Variants in ZNF280D observed in about 807,000 individuals in gnomAD.
ZNF280D encodes zinc finger protein 280D.
In ZNF280D, 39 loss-of-function variants were observed where a neutral mutation model predicts 94.7. The ratio of observed to expected loss-of-function variants is 0.41; its 90% CI spans 0.32 to 0.54. The LOEUF (loss-of-function observed/expected upper bound fraction) is 0.54, where lower values mean the gene tolerates loss of function less well. ZNF280D is among the 20% of genes least tolerant of loss of function. The pLI is 0.22. For missense variants in ZNF280D, 1,090 were observed against 1,149.3 expected (o/e 0.95, Z 0.75); for synonymous variants, 398 against 377.6 (o/e 1.05, Z -0.63).
chr15:56,699,476 C>T lies in ZNF280D; in HGVS notation c.381+1457G>A, dbSNP rs1295798050. On this transcript the variant is annotated intron_variant, in intron 6 of 21. Coordinates refer to ENST00000267807, the MANE Select transcript of ZNF280D (RefSeq NM_017661.4). ...TTTAGATATTAATCTATACCCAGTT[C>T]AAACTGTGGAAACTGAACTAACATG... 4.6e-6 allele frequency: 4 copies of T among 864,262 alleles called. No homozygotes were observed. The African/African-American group carries it at 7.3e-5, about 16-fold the overall frequency. 53.5% of individuals were successfully genotyped at this position (864,262 alleles called of 1,614,324 possible).
chr15:56,658,367 A>G, intron 17 of ZNF280D, 57 bp downstream of exon 17: 1 of 1,354,610 alleles, frequency 7.4e-7, no homozygotes, highest in South Asian at 1.3e-5. Flanking sequence ...GTGTTAAAAA[A>G]AATTTAAGTC....
intron 19 of ZNF280D, among the ~76,000 whole-genome samples, chr15:56,651,773 GTTAT>G (rs1218511141): frequency 6.6e-6 from 1 of 151,858 alleles, no homozygotes; most frequent in Non-Finnish European, 1.5e-5. Flanking sequence ...TTGTTATATT[GTTAT>G]TTGTTATTGT....
intron 20 of ZNF280D, 37 bp downstream of exon 20, chr15:56,642,915 T>C: frequency 7.0e-7 from 1 of 1,419,494 alleles, no homozygotes. Context: ...CTTTCAAATG[T>C]ATAAACCTTT....
chr15:56,663,451 C>T (rs1174427886), intron 16 of ZNF280D, among the ~76,000 whole-genome samples: 1 of 152,072 alleles, frequency 6.6e-6, no homozygotes, highest in Non-Finnish European at 1.5e-5. Flanking sequence ...TAAAGGTTCT[C>T]ATGCTTTGGA....
chr15:56,713,537 T>A (rs2057885056), intron 1 of ZNF280D, among the ~76,000 whole-genome samples: 1 of 152,206 alleles, frequency 6.6e-6, no homozygotes, highest in East Asian at 1.9e-4. Context: ...AGCAATTCTT[T>A]AGTCTTTATG....
At chr15:56,716,797 T>C (rs2058072958) in intron 1 of ZNF280D, among the ~76,000 whole-genome samples, 1 of 152,138 alleles carries the variant, frequency 6.6e-6, no homozygotes, top group African/African-American at 2.4e-5. Context: ...CTTTCAACTA[T>C]AAGTAACAAA....
chr15:56,652,662 A>G (rs1451974779), intron 19 of ZNF280D: 1 of 985,274 alleles, frequency 1.0e-6, no homozygotes, highest in Non-Finnish European at 1.2e-6. Context: ...AAGGAGCTAC[A>G]TTAATGGCTA....
intron 19 of ZNF280D, among the ~76,000 whole-genome samples, chr15:56,644,847 A>G (rs1468030161): frequency 6.6e-6 from 1 of 152,206 alleles, no homozygotes; most frequent in African/African-American, 2.4e-5. Flanking sequence ...CTGGTAGGTG[A>G]GAACAAAGTA....
chr15:56,641,103 T>C (rs896740509), intron 20 of ZNF280D, among the ~76,000 whole-genome samples: 1 of 152,218 alleles, frequency 6.6e-6, no homozygotes, highest in South Asian at 2.1e-4. Flanking sequence ...CTCATAATTA[T>C]CAATACTCTT....
At position 56,669,747 on chromosome 15, in the gene ZNF280D, A is replaced by C. The variant is rs865932493; in HGVS notation, c.1411-790T>G. The stretch of plus-strand genomic sequence containing the variant: ...ATTCTACAGATGGGAAATGGGACCC[A>C]AAAAAATGCTAAGGCACTTCCCCAT... On this transcript the variant is annotated intron_variant, in intron 13 of 21. Transcript: ENST00000267807. 3.5e-4 allele frequency among the ~76,000 whole-genome samples: 49 copies of C among 138,480 alleles called. 1 individual carries two copies. The highest frequency in any genetic ancestry group is 3.5e-3 in the Middle Eastern group (1 of 284). The allele number at this position is 138,480 out of a possible 152,430, so 90.8% of individuals were successfully genotyped here.
rs1443958946 is a variant in ZNF280D, at chr15:56,630,793, A to G, written c.*705T>C. The G allele has an allele frequency of 6.6e-6, 1 of 152,256 alleles. No homozygotes were observed. The highest frequency in any genetic ancestry group is 2.4e-5 in the African/African-American group (1 of 41,464). The allele number at this position is 152,256 out of a possible 1,614,324, so 9.4% of individuals were successfully genotyped here. On this transcript the variant is annotated 3_prime_UTR_variant, in exon 22 of 22. Transcript: ENST00000267807. ...TGACAAAAAGCACAAATATAAATTT[A>G]TATCTTAATAATTCCACTTTCACTG...
intron 2 of ZNF280D, 24 bp downstream of exon 2, chr15:56,707,239 T>C (rs776780073): frequency 1.6e-5 from 25 of 1,571,562 alleles, no homozygotes; most frequent in Non-Finnish European, 2.2e-5. Flanking sequence ...AATTATTGGA[T>C]GTAAGGTTAA....
chr15:56,631,468 T>C lies in ZNF280D; in HGVS notation c.*30A>G, dbSNP rs762559478. ...AGCACTGTTCCAAATGCCCTTATCG[T>C]TGGTACACTGAAACTTAAAATGACT... On this transcript the variant is annotated 3_prime_UTR_variant, in exon 22 of 22. Coordinates refer to ENST00000267807, the MANE Select transcript of ZNF280D (RefSeq NM_017661.4). 3 of 1,602,946 alleles carry C rather than the reference T, an allele frequency of 1.9e-6. No homozygotes were observed. The highest frequency in any genetic ancestry group is 1.1e-5 in the South Asian group (1 of 89,570).
chr15:56,712,594 C>A (rs1175229345), intron 1 of ZNF280D, among the ~76,000 whole-genome samples: 509 of 76,948 alleles, frequency 6.6e-3, no homozygotes, highest in Admixed American at 0.012. Flanking sequence ...ACCCTCATAC[C>A]AAAAAAAAAA....
At chr15:56,706,475 C>G (rs1196513155) in intron 3 of ZNF280D, among the ~76,000 whole-genome samples, 4 of 151,858 alleles carry the variant, frequency 2.6e-5, no homozygotes, top group African/African-American at 9.7e-5. Context: ...GAGAATCTGT[C>G]TCAAAACAAA....
At chr15:56,687,987 C>T (rs560989820) in intron 9 of ZNF280D, among the ~76,000 whole-genome samples, 1 of 151,734 alleles carries the variant, frequency 6.6e-6, no homozygotes, top group African/African-American at 2.4e-5. Context: ...GCCATTGCAC[C>T]CCTCTCCTTC....
intron 1 of ZNF280D, among the ~76,000 whole-genome samples, chr15:56,721,072 T>A (rs1227927443): frequency 6.6e-6 from 1 of 151,954 alleles, no homozygotes; most frequent in Non-Finnish European, 1.5e-5. Flanking sequence ...AAGTGATTCT[T>A]GTGCCTCAGC....
chr15:56,733,227 C>T (rs1021715217), intron 1 of ZNF280D, among the ~76,000 whole-genome samples: 15 of 152,142 alleles, frequency 9.9e-5, no homozygotes, highest in Admixed American at 4.6e-4. Flanking sequence ...GCAGCCGAGG[C>T]GGCTGCCGCG....
chr15:56,647,376 C>T (rs189473477), intron 19 of ZNF280D, among the ~76,000 whole-genome samples: 4 of 152,080 alleles, frequency 2.6e-5, no homozygotes, highest in African/African-American at 4.8e-5. Flanking sequence ...ATATGGAATT[C>T]GAAGAAGGGA....
Sources: gnomAD v4.1 joint callset for allele counts (sites outside exome capture counted in the v4.1 genomes callset) on GRCh38, gnomAD v4.1.1 for gene constraint, MANE v1.5 for transcripts, NCBI Gene and HGNC (gene_info 2026-07-23, HGNC 2026-07-21) for gene names.